Variants in ZNF490 observed in about 807,000 individuals in gnomAD.
The protein encoded by ZNF490 is zinc finger protein 490.
Under a neutral mutation model 17.7 loss-of-function variants are expected in ZNF490, and 11 were observed. That is an observed-to-expected ratio of 0.62 (90% CI 0.39 to 1.03). The LOEUF (loss-of-function observed/expected upper bound fraction) is 1.03, where lower values mean the gene tolerates loss of function less well. Ranked by LOEUF, ZNF490 falls within the 50% of genes least tolerant of loss-of-function variation. The pLI is 0.00. For synonymous variants in ZNF490, 222 were observed against 216.1 expected (o/e 1.03, Z -0.24); for missense variants, 542 against 643.4 (o/e 0.84, Z 1.71).
Position 12,610,726 on chromosome 19 carries a change from G to A in ZNF490, c.-46C>T. The A allele has an allele frequency of 6.4e-7, 1 of 1,566,906 alleles. No homozygotes were observed. The highest frequency in any genetic ancestry group is 8.8e-7 in the Non-Finnish European group (1 of 1,141,290). ...ACACTGCAGGAAGACTTCCGTGTCC[G>A]ACCCGAGATCCGGAACAATTTCTGC... On this transcript the variant is annotated 5_prime_UTR_variant, in exon 1 of 5. Coordinates refer to ENST00000311437, the MANE Select transcript of ZNF490 (RefSeq NM_020714.3).
At position 12,580,690 on chromosome 19, in the gene ZNF490, C is replaced by T. The variant is rs148830742; in HGVS notation, c.1385G>A (p.Arg462Gln). ...GRVFIYFSHL[R>Q]RHERSHTGVK... is the part of the protein sequence containing the mutation. ...TCCAGTGTGACTTCTTTCGTGCCTT[C>T]GAAGGTGACTGAAGTAAATGAAGAC... Residue 462 changes from arginine to glutamine, a missense_variant, in exon 5 of 5, where the codon CGA becomes CAA. Transcript: ENST00000311437. 134 of 1,613,978 alleles carry T rather than the reference C, an allele frequency of 8.3e-5. 1 individual carries two copies. In the South Asian group the frequency reaches 1.2e-3, roughly 15 times the overall value.
chr19:12,600,435 C>T lies in ZNF490; in HGVS notation c.162+8723G>A, dbSNP rs1407103488. Among the ~76,000 whole-genome samples the T allele has an allele frequency of 2.0e-5, 3 of 151,666 alleles. No individual in the cohort carries two copies. In the East Asian group the frequency reaches 5.8e-4, roughly 29 times the overall value. On this transcript the variant is annotated intron_variant, in intron 2 of 4. Transcript: ENST00000311437. ...ATACTAATGTAAATGTGAAATTTGG[C>T]TTATTTGGTACAAAAATCATAGAGG...
chr19:12,582,453 G>A (rs759929384), intron 4 of ZNF490, among the ~76,000 whole-genome samples: 6 of 151,824 alleles, frequency 4.0e-5, no homozygotes, highest in African/African-American at 7.3e-5. Flanking sequence ...GCAGTGCAGT[G>A]GATCGATCTC....
chr19:12,580,299 G>C lies in ZNF490; in HGVS notation c.*186C>G. ...TTCACATATCTGCAATCCCGCAGGA[G>C]AGTGCAAGTTCCTCCCCCATTTGTT... is the stretch of plus-strand genomic sequence containing the variant. On this transcript the variant is annotated 3_prime_UTR_variant, in exon 5 of 5. Coordinates refer to ENST00000311437, the MANE Select transcript of ZNF490 (RefSeq NM_020714.3). 1.4e-6 allele frequency: 2 copies of C among 1,393,914 alleles called. No homozygotes were observed. Among genetic ancestry groups the C allele is most frequent in the East Asian group, 2.5e-5 (1 of 39,842 alleles). The allele number at this position is 1,393,914 out of a possible 1,614,324, so 86.3% of individuals were successfully genotyped here. A position where few individuals can be genotyped will look rare whatever the true frequency, so the allele number is the denominator to read the frequency against.
In ZNF490 at chr19:12,576,431, G is replaced by T. The variant is rs538326329; in HGVS notation, c.*4054C>A. 1.3e-5 allele frequency among the ~76,000 whole-genome samples: 2 copies of T among 151,778 alleles called. No individual in the cohort carries two copies. The highest frequency in any genetic ancestry group is 4.8e-5 in the African/African-American group (2 of 41,370). ...TGAAACAGGAGAATTGCTTGAACCT[G>T]GGAGGCAGAGATTGCAGTGAGCCGA... On this transcript the variant is annotated 3_prime_UTR_variant, in exon 5 of 5. Transcript: ENST00000311437.
Position 12,577,765 on chromosome 19 carries a change from A to G in ZNF490, c.*2720T>C, listed in dbSNP as rs2145135071. Reference sequence around the variant, plus strand: ...GGCCTAAAGAGTTCCGACCCGAGCGACACAAAGATCACTTCTGGGACCCAC... The same window carrying G: ...GGCCTAAAGAGTTCCGACCCGAGCGGCACAAAGATCACTTCTGGGACCCAC... On this transcript the variant is annotated 3_prime_UTR_variant, in exon 5 of 5. Coordinates refer to ENST00000311437, the MANE Select transcript of ZNF490 (RefSeq NM_020714.3). The G allele has an allele frequency of 1.0e-6, 1 of 985,474 alleles. No individual in the cohort carries two copies. The highest frequency in any genetic ancestry group is 4.7e-5 in the South Asian group (1 of 21,284). The allele number at this position is 985,474 out of a possible 1,614,324, so 61.0% of individuals were successfully genotyped here.
intron 2 of ZNF490, among the ~76,000 whole-genome samples, chr19:12,603,994 T>C: frequency 6.6e-6 from 1 of 152,130 alleles, no homozygotes. Context: ...ACCATGTGAC[T>C]GGAGCTTTGA....
chr19:12,576,480 T>C lies in ZNF490; in HGVS notation c.*4005A>G, dbSNP rs1220967915. Reference sequence around the variant, plus strand: ...GAGATCATGCCACTGCAGTCCAGCTTGGTGACAGAGCGAGACTGTGTCTCA... The same window carrying C: ...GAGATCATGCCACTGCAGTCCAGCTCGGTGACAGAGCGAGACTGTGTCTCA... On this transcript the variant is annotated 3_prime_UTR_variant, in exon 5 of 5. Transcript: ENST00000311437. Among the ~76,000 whole-genome samples the C allele has an allele frequency of 6.6e-6, 1 of 150,964 alleles. No individual in the cohort carries two copies. The highest frequency in any genetic ancestry group is 1.5e-5 in the Non-Finnish European group (1 of 67,810).
intron 2 of ZNF490, among the ~76,000 whole-genome samples, chr19:12,586,823 A>C (rs7254572): frequency 0.037 from 3,493 of 93,460 alleles, 1,071 homozygotes; most frequent in African/African-American, 0.11. Flanking sequence ...GTAATCCCAG[A>C]ACTTTGGGAG....
intron 2 of ZNF490, among the ~76,000 whole-genome samples, chr19:12,591,960 C>T (rs746087637): frequency 3.9e-5 from 6 of 152,110 alleles, no homozygotes; most frequent in Admixed American, 1.3e-4. Flanking sequence ...TTATTCAAAA[C>T]CTTGCAAACC....
Position 12,581,278 on chromosome 19 carries a change from C to T in ZNF490, c.797G>A (p.Arg266Gln), listed in dbSNP as rs746901592. 4 of 1,613,914 alleles carry T rather than the reference C, an allele frequency of 2.5e-6. No individual in the cohort carries two copies. Among genetic ancestry groups the T allele is most frequent in the East Asian group, 2.2e-5 (1 of 44,888 alleles). ...TCCAGTGTGATTTTTTTCATGGCGC[C>T]GAAGAGCAGTGAGATATCTGAATGC... ...GKAFRYLTAL[R>Q]RHEKNHTGEK... Residue 266 changes from arginine (R) to glutamine (Q), a missense_variant, in exon 5 of 5, where the codon CGG (arginine) becomes CAG (glutamine). Transcript: ENST00000311437.
In ZNF490 at chr19:12,578,050, A is replaced by G. The variant is rs2022669884; in HGVS notation, c.*2435T>C. The G allele has an allele frequency of 1.0e-6, 1 of 985,198 alleles. No homozygotes were observed. The highest frequency in any genetic ancestry group is 1.2e-6 in the Non-Finnish European group (1 of 829,956). 61.0% of individuals were successfully genotyped at this position (985,198 alleles called of 1,614,324 possible). A position where few individuals can be genotyped will look rare whatever the true frequency, so the allele number is the denominator to read the frequency against. On this transcript the variant is annotated 3_prime_UTR_variant, in exon 5 of 5. Transcript: ENST00000311437. ...ATGGCTTGTGAACCCTGACACCAGC[A>G]CCTCCCATACACAACAGAGCTGGAG...
chr19:12,592,216 A>G (rs2022881434), intron 2 of ZNF490, among the ~76,000 whole-genome samples: 3 of 152,066 alleles, frequency 2.0e-5, no homozygotes. Context: ...CTTGCCTATC[A>G]TCTCAGCTAC....
rs2022678177 is a variant in ZNF490, at chr19:12,578,753, C to T, written c.*1732G>A. On this transcript the variant is annotated 3_prime_UTR_variant, in exon 5 of 5. Coordinates refer to ENST00000311437, the MANE Select transcript of ZNF490 (RefSeq NM_020714.3). ...ACTTCTCTCCAGTCATGTGTGAGAG[C>T]TGAGGGCAGGCACTGCCCTAGAGGG... 2.0e-6 allele frequency: 2 copies of T among 985,390 alleles called. No individual in the cohort carries two copies. Among genetic ancestry groups the T allele is most frequent in the Non-Finnish European group, 2.4e-6 (2 of 829,902 alleles). The allele number at this position is 985,390 out of a possible 1,614,324, so 61.0% of individuals were successfully genotyped here. A position where few individuals can be genotyped will look rare whatever the true frequency, so the allele number is the denominator to read the frequency against.
chr19:12,609,014 G>A lies in ZNF490; in HGVS notation c.162+144C>T, dbSNP rs1043835015. ...AGGGCAATGAACAGGACATACCTGA[G>A]AGCCTGGTTATTGGCCTTGACTATG... is the stretch of plus-strand genomic sequence containing the variant. On this transcript the variant is annotated intron_variant, in intron 2 of 4. Transcript: ENST00000311437. 6 of 696,654 alleles carry A rather than the reference G, an allele frequency of 8.6e-6. 1 individual carries two copies. The highest frequency in any genetic ancestry group is 2.4e-5 in the Admixed American group (1 of 42,266). The allele number at this position is 696,654 out of a possible 1,614,324, so 43.2% of individuals were successfully genotyped here. A position where few individuals can be genotyped will look rare whatever the true frequency, so the allele number is the denominator to read the frequency against.
At chr19:12,609,040 G>C (rs1168654563) in intron 2 of ZNF490, 118 bp downstream of exon 2, 6 of 848,968 alleles carry the variant, frequency 7.1e-6, no homozygotes, top group Non-Finnish European at 1.2e-5. Flanking sequence ...CTTGACTATG[G>C]GAGTGCCTTC....
Position 12,581,510 on chromosome 19 carries a change from A to G in ZNF490, c.565T>C (p.Tyr189His). The G allele has an allele frequency of 1.2e-6, 2 of 1,614,138 alleles. No homozygotes were observed. The highest frequency in any genetic ancestry group is 1.7e-6 in the Non-Finnish European group (2 of 1,180,028). The change falls in exon 5 of 5, where the codon TAT becomes CAT. Residue 189 changes from tyrosine to histidine, a missense_variant. Physicochemically the swap from Tyr to His is moderately conservative, Grantham distance 83 (BLOSUM62 2). Coordinates refer to ENST00000311437, the MANE Select transcript of ZNF490 (RefSeq NM_020714.3). ...TEQKPNECHE[Y>H]GEKPHKCKEC... ...TTGCATTTATGTGGCTTCTCTCCAT[A>G]TTCGTGACACTCATTTGGTTTCTGT...
At chr19:12,599,133 C>G (rs1251647207) in intron 2 of ZNF490, among the ~76,000 whole-genome samples, 1 of 83,622 alleles carries the variant, frequency 1.2e-5, no homozygotes, top group Non-Finnish European at 2.2e-5. Flanking sequence ...GAGCAAGACT[C>G]TGTCTCAAAA....
rs149209401 is a variant in ZNF490 at position 12,587,320 on chromosome 19, G to T, written c.163-3764C>A. 4.1e-3 allele frequency among the ~76,000 whole-genome samples: 359 copies of T among 87,900 alleles called. 110 individuals carry two copies. Among genetic ancestry groups the T allele is most frequent in the Admixed American group, 0.038 (343 of 9,062 alleles). The allele number at this position is 87,900 out of a possible 152,430, so 57.7% of individuals were successfully genotyped here. ...TGATAATTTTGTTTCTTTTTATAGA[G>T]ATGGGGTCTCACTATGTTGCCCAGG... On this transcript the variant is annotated intron_variant, in intron 2 of 4. Coordinates refer to ENST00000311437, the MANE Select transcript of ZNF490 (RefSeq NM_020714.3).
Sources: allele counts gnomAD v4.1 joint callset (sites outside exome capture counted in the v4.1 genomes callset), GRCh38; gene constraint gnomAD v4.1.1; transcripts MANE v1.5; gene names NCBI Gene and HGNC (gene_info 2026-07-23, HGNC 2026-07-21).